The following KCNMA1 variants were observed in gnomAD, a reference collection of about 807,000 sequenced individuals.
KCNMA1 encodes potassium calcium-activated channel subfamily M alpha 1, also known as Calcium-activated potassium channel subunit alpha-1.
Under a neutral mutation model 140.0 loss-of-function variants are expected in KCNMA1, and 29 were observed. That is an observed-to-expected ratio of 0.21 (90% confidence interval 0.15 to 0.28). The LOEUF (loss-of-function observed/expected upper bound fraction) is 0.28. Among genes scored for constraint, KCNMA1 ranks in the 10% least tolerant of loss-of-function variants. The pLI is 1.00. For missense variants in KCNMA1, 880 were observed against 1,602.2 expected (o/e 0.55, Z 7.70); for synonymous variants, 612 against 611.9 (o/e 1.00, Z 0.00).
rs1291383152 is a variant in KCNMA1, at chr10:76,953,856, T to C, written c.2429A>G (p.Asp810Gly). The change falls in exon 21 of 28, where the codon GAC (aspartate) becomes GGC (glycine). Residue 810 changes from aspartate to glycine, a missense_variant. Around this residue, in one of 13 missense-constraint regions of KCNMA1, gnomAD observed 82 missense variants for 170.1 expected, o/e 0.48. Coordinates refer to ENST00000286628, the MANE Select transcript of KCNMA1 (RefSeq NM_001161352.2). The part of the protein sequence containing the change: ...DNMDSNVKKY[D>G]STGMFHWCAP... ...ACACCAGTGAAACATCCCAGTAGAGTCGTACTTCTTCACATTGGAGTCCAT... is the reference window on the plus strand; with the variant it reads ...ACACCAGTGAAACATCCCAGTAGAGCCGTACTTCTTCACATTGGAGTCCAT... The C allele has an allele frequency of 6.2e-7, 1 of 1,613,802 alleles. No homozygotes were observed. The highest frequency in any genetic ancestry group is 8.5e-7 in the Non-Finnish European group (1 of 1,179,918).
intron 1 of KCNMA1, among the ~76,000 whole-genome samples, chr10:77,493,108 T>G (rs1341714056): frequency 6.6e-6 from 1 of 152,236 alleles, no homozygotes; most frequent in East Asian, 1.9e-4. Context: ...CCACAGTTCC[T>G]GGCACTAGGT....
At chr10:77,559,744 A>G (rs1235166123) in intron 1 of KCNMA1, among the ~76,000 whole-genome samples, 1 of 152,178 alleles carries the variant, frequency 6.6e-6, no homozygotes, top group Non-Finnish European at 1.5e-5. Context: ...AATCTGGTTG[A>G]TCTAATATGC....
intron 2 of KCNMA1, among the ~76,000 whole-genome samples, chr10:77,272,191 T>C (rs2154282408): frequency 6.6e-6 from 1 of 152,280 alleles, no homozygotes; most frequent in East Asian, 1.9e-4. Flanking sequence ...CAAAAGAAAA[T>C]AAATTCTGTA....
chr10:76,919,982 TTGTGTGTGTGTGTGTGTG>T (rs1196371060), intron 23 of KCNMA1, among the ~76,000 whole-genome samples: 1 of 77,608 alleles, frequency 1.3e-5, no homozygotes, highest in African/African-American at 4.9e-5. Context: ...GCAATGAGCA[TTGTGTGTGTGTGTGTGTG>T]TGTGTGTGTG....
At chr10:77,083,526 GAGGGCAGGGC>G (rs370787964) in intron 12 of KCNMA1, among the ~76,000 whole-genome samples, 8,161 of 149,236 alleles carry the variant, frequency 0.055, 386 homozygotes, top group Middle Eastern at 0.12. Flanking sequence ...AAAAAAAAGG[GAGGGCAGGGC>G]AGGGCAGGGC....
chr10:77,512,169 T>C (rs1191790364), intron 1 of KCNMA1, among the ~76,000 whole-genome samples: 2 of 152,238 alleles, frequency 1.3e-5, no homozygotes, highest in East Asian at 3.8e-4. Context: ...GGTTTCTCTT[T>C]TGTTTAAATT....
intron 2 of KCNMA1, among the ~76,000 whole-genome samples, chr10:77,355,574 A>C (rs952000196): frequency 2.0e-5 from 3 of 152,202 alleles, no homozygotes; most frequent in African/African-American, 7.2e-5. Context: ...AGGGCCTAAA[A>C]GGTGCCAGCC....
intron 1 of KCNMA1, among the ~76,000 whole-genome samples, chr10:77,609,844 T>C (rs1476598047): frequency 2.6e-5 from 4 of 151,676 alleles, no homozygotes; most frequent in Non-Finnish European, 5.9e-5. Context: ...AGACTGAAAA[T>C]AAAGCCCCAA....
At chr10:77,316,134 C>A (rs749611981) in intron 2 of KCNMA1, among the ~76,000 whole-genome samples, 27 of 152,186 alleles carry the variant, frequency 1.8e-4, no homozygotes, top group Non-Finnish European at 3.7e-4. Context: ...TTCCACTTGA[C>A]TGGACCAAAT....
intron 17 of KCNMA1, among the ~76,000 whole-genome samples, chr10:77,014,920 C>T (rs923589058): frequency 7.9e-5 from 12 of 152,306 alleles, no homozygotes; most frequent in East Asian, 1.9e-4. Flanking sequence ...ACCTGAGCAA[C>T]GGAGTTTCGC....
At chr10:77,328,842 T>C (rs972021712) in intron 2 of KCNMA1, among the ~76,000 whole-genome samples, 2 of 152,040 alleles carry the variant, frequency 1.3e-5, no homozygotes, top group East Asian at 3.9e-4. Context: ...TTTGTTTTTG[T>C]TTTATTTTGT....
At chr10:76,942,635 A>T (rs759834575) in intron 23 of KCNMA1, among the ~76,000 whole-genome samples, 1 of 152,154 alleles carries the variant, frequency 6.6e-6, no homozygotes, top group Non-Finnish European at 1.5e-5. Context: ...AGAGGCTGGG[A>T]TGAGGTTTAA....
intron 2 of KCNMA1, among the ~76,000 whole-genome samples, chr10:77,317,646 C>T (rs1302118872): frequency 6.6e-6 from 1 of 152,224 alleles, no homozygotes; most frequent in Non-Finnish European, 1.5e-5. Context: ...TTTTTATTAG[C>T]CCCATAGCAG....
intron 2 of KCNMA1, among the ~76,000 whole-genome samples, chr10:77,363,720 G>C (rs143456666): frequency 3.2e-4 from 48 of 152,170 alleles, no homozygotes; most frequent in Non-Finnish European, 5.7e-4. Context: ...ACTGTGCGTA[G>C]CTCTTTCTTG....
At chr10:77,209,456 T>C (rs2045268853) in intron 3 of KCNMA1, among the ~76,000 whole-genome samples, 2 of 152,180 alleles carry the variant, frequency 1.3e-5, no homozygotes, top group South Asian at 2.1e-4. Flanking sequence ...CAGAACATGA[T>C]AGAGTACTGG....
chr10:77,518,383 C>G (rs566251862), intron 1 of KCNMA1, among the ~76,000 whole-genome samples: 2 of 152,338 alleles, frequency 1.3e-5, no homozygotes, highest in African/African-American at 4.8e-5. Flanking sequence ...GGCCCTGGGA[C>G]TGAAATTTCA....
At chr10:77,338,009 G>C (rs1390904961) in intron 2 of KCNMA1, among the ~76,000 whole-genome samples, 1 of 152,212 alleles carries the variant, frequency 6.6e-6, no homozygotes, top group Non-Finnish European at 1.5e-5. Context: ...CACCTTTGTT[G>C]CAGAATCCGA....
chr10:77,354,973 C>T (rs960227783), intron 2 of KCNMA1, among the ~76,000 whole-genome samples: 1 of 152,192 alleles, frequency 6.6e-6, no homozygotes, highest in Non-Finnish European at 1.5e-5. Context: ...TCTGTGTCCC[C>T]ACCCAAATCT....
chr10:77,136,613 A>G (rs2098037997), intron 5 of KCNMA1, among the ~76,000 whole-genome samples: 1 of 152,084 alleles, frequency 6.6e-6, no homozygotes, highest in South Asian at 2.1e-4. Context: ...AAAAGAAGTA[A>G]AAGATGAAGT....
Sources: allele counts gnomAD v4.1 joint callset (sites outside exome capture counted in the v4.1 genomes callset), GRCh38; gene constraint gnomAD v4.1.1; regional missense constraint gnomAD v4.1.1; transcripts MANE v1.5; gene names NCBI Gene and HGNC (gene_info 2026-07-23, HGNC 2026-07-21).